OLA1: variants seen among roughly 807,000 people sequenced by gnomAD.
OLA1 encodes Obg like ATPase 1.
A neutral mutation model predicts 48.4 loss-of-function variants in OLA1; 14 were observed. The observed-to-expected ratio is 0.29, with a 90% CI of 0.19 to 0.45. The LOEUF (loss-of-function observed/expected upper bound fraction) is 0.45. Ranked by LOEUF, OLA1 falls within the 20% of genes least tolerant of loss-of-function variation. The pLI is 1.00. For synonymous variants in OLA1, 127 were observed against 150.4 expected (o/e 0.84, Z 1.14); for missense variants, 325 against 467.1 (o/e 0.70, Z 2.80).
chr2:174,113,149 C>G (rs889254713), intron 7 of OLA1, among the ~76,000 whole-genome samples: 2 of 152,042 alleles, frequency 1.3e-5, no homozygotes, highest in African/African-American at 4.8e-5. Context: ...TTCACCATGT[C>G]GGTCAGGTTG....
chr2:174,235,295 T>C (rs1296475318), intron 2 of OLA1, among the ~76,000 whole-genome samples: 1 of 152,016 alleles, frequency 6.6e-6, no homozygotes, highest in Non-Finnish European at 1.5e-5. Context: ...TCAGAACATA[T>C]TAAAAAGAGA....
At chr2:174,079,593 C>T (rs1056164121) in intron 9 of OLA1, among the ~76,000 whole-genome samples, 7 of 151,762 alleles carry the variant, frequency 4.6e-5, no homozygotes, top group South Asian at 2.1e-4. Context: ...CAAAAAATTT[C>T]GATAATAAAA....
intron 4 of OLA1, among the ~76,000 whole-genome samples, chr2:174,215,479 T>C (rs1205676775): frequency 5.9e-5 from 9 of 152,134 alleles, no homozygotes. Context: ...TTTCAATAAC[T>C]ATAATGGAAA....
At chr2:174,229,686 C>T (rs774041280) in intron 2 of OLA1, among the ~76,000 whole-genome samples, 1 of 152,226 alleles carries the variant, frequency 6.6e-6, no homozygotes, top group Non-Finnish European at 1.5e-5. Context: ...CTATTTGAAA[C>T]TTGAAAAGCA....
intron 2 of OLA1, among the ~76,000 whole-genome samples, chr2:174,236,882 G>A (rs143862652): frequency 1.2e-3 from 181 of 152,286 alleles, no homozygotes; most frequent in Non-Finnish European, 2.2e-3. Flanking sequence ...AAGGTGCTCT[G>A]GGTGAGTCAA....
intron 8 of OLA1, 103 bp from the exon 9 acceptor site, chr2:174,081,351 G>C: frequency 1.3e-6 from 1 of 774,684 alleles, no homozygotes; most frequent in Non-Finnish European, 2.2e-6. Flanking sequence ...GTTAAAGATA[G>C]TAGTAAATGA....
chr2:174,156,264 C>A (rs77290880), intron 4 of OLA1, among the ~76,000 whole-genome samples: 20,916 of 152,018 alleles, frequency 0.14, 1,881 homozygotes, highest in Middle Eastern at 0.24. Flanking sequence ...TTTAATGGCA[C>A]CCCCTGGCCT....
chr2:174,100,741 GT>G (rs1685373445), intron 7 of OLA1, among the ~76,000 whole-genome samples: 1 of 152,126 alleles, frequency 6.6e-6, no homozygotes. Flanking sequence ...TGTTGAATGA[GT>G]TTTGAAAATT....
At chr2:174,120,977 T>C (rs1279729640) in intron 7 of OLA1, among the ~76,000 whole-genome samples, 22 of 152,208 alleles carry the variant, frequency 1.4e-4, no homozygotes, top group Admixed American at 1.4e-3. Context: ...AAAAACTTTT[T>C]CTTTTGCTAA....
intron 4 of OLA1, among the ~76,000 whole-genome samples, chr2:174,210,222 C>T (rs1688211167): frequency 6.6e-6 from 1 of 152,086 alleles, no homozygotes; most frequent in African/African-American, 2.4e-5. Flanking sequence ...AAAACGAATA[C>T]TGTACAACAT....
chr2:174,220,219 C>T lies in OLA1; in HGVS notation c.373+2814G>A, dbSNP rs144948519. On this transcript the variant is annotated intron_variant, in intron 4 of 10. Transcript: ENST00000284719. Reference sequence around the variant, plus strand: ...ACTTAATCACATCCCTAACTATATCCCTGGGCTCTTTTCCATCGCTCCTAC... The same window carrying T: ...ACTTAATCACATCCCTAACTATATCTCTGGGCTCTTTTCCATCGCTCCTAC... 1.0e-3 allele frequency among the ~76,000 whole-genome samples: 154 copies of T among 152,154 alleles called. 1 individual carries two copies. In the South Asian group the frequency reaches 0.015, roughly 14 times the overall value.
intron 7 of OLA1, among the ~76,000 whole-genome samples, chr2:174,082,799 T>C (rs1416043808): frequency 6.6e-6 from 1 of 152,104 alleles, no homozygotes; most frequent in Non-Finnish European, 1.5e-5. Context: ...ATTGAGTCAT[T>C]TTTTTTCCTT....
intron 4 of OLA1, among the ~76,000 whole-genome samples, chr2:174,211,220 C>T (rs1301429167): frequency 6.6e-6 from 1 of 151,926 alleles, no homozygotes; most frequent in Non-Finnish European, 1.5e-5. Flanking sequence ...CTCTCTCTCT[C>T]TCTTTCTCTC....
chr2:174,179,819 T>C (rs191918646), intron 4 of OLA1, among the ~76,000 whole-genome samples: 58 of 152,234 alleles, frequency 3.8e-4, no homozygotes, highest in Admixed American at 2.2e-3. Flanking sequence ...GAAGCTATAA[T>C]TGAAACACTC....
chr2:174,081,708 T>C (rs527467808), intron 8 of OLA1, among the ~76,000 whole-genome samples: 1 of 152,120 alleles, frequency 6.6e-6, no homozygotes, highest in Non-Finnish European at 1.5e-5. Context: ...CTAATACCTA[T>C]GTTATAATTA....
At position 174,074,994 on chromosome 2, in the gene OLA1, A is replaced by T. The variant is rs1423061634; in HGVS notation, c.*432T>A. ...CAGTCAGTCAATACAGACATCCCCA[A>T]ACACACCAAGGCTGGTTTTGTCAAA... On this transcript the variant is annotated 3_prime_UTR_variant, in exon 11 of 11. Transcript: ENST00000284719. 1 of 176,458 alleles carries T rather than the reference A, an allele frequency of 5.7e-6. No homozygotes were observed. Among genetic ancestry groups the T allele is most frequent in the Non-Finnish European group, 1.2e-5 (1 of 83,618 alleles). The allele number at this position is 176,458 out of a possible 1,614,324, so 10.9% of individuals were successfully genotyped here.
intron 9 of OLA1, among the ~76,000 whole-genome samples, chr2:174,080,354 A>AATT (rs1684830783): frequency 6.6e-6 from 1 of 152,128 alleles, no homozygotes; most frequent in Non-Finnish European, 1.5e-5. Context: ...AGACTGAATA[A>AATT]GACACTATTT....
chr2:174,077,332 A>ACATACATG (rs1434692130), intron 10 of OLA1, among the ~76,000 whole-genome samples: 1 of 112,900 alleles, frequency 8.9e-6, no homozygotes, highest in African/African-American at 2.8e-5. Context: ...ATACATACAT[A>ACATACATG]CATACATACA....
chr2:174,147,919 G>C (rs1351410971), intron 4 of OLA1, among the ~76,000 whole-genome samples: 2 of 152,150 alleles, frequency 1.3e-5, no homozygotes, highest in Non-Finnish European at 2.9e-5. Context: ...CACCTCCCAG[G>C]TTCAAGCAAT....
Sources: allele counts gnomAD v4.1 joint callset (sites outside exome capture counted in the v4.1 genomes callset), GRCh38; gene constraint gnomAD v4.1.1; transcripts MANE v1.5; gene names NCBI Gene and HGNC (gene_info 2026-07-23, HGNC 2026-07-21).